The following PCDH7 variants were observed in gnomAD, a reference collection of about 807,000 sequenced individuals.
PCDH7 encodes protocadherin 7, also known as protocadherin-7.
In PCDH7, 17 loss-of-function variants were observed where a neutral mutation model predicts 58.9. That is an observed-to-expected ratio of 0.29 (90% confidence interval 0.20 to 0.43). The LOEUF is 0.43. Ranked by LOEUF, PCDH7 falls within the 20% of genes least tolerant of loss-of-function variation. The probability of loss-of-function intolerance (pLI) is 1.00; values close to 1 mark genes in which losing one functional copy is unlikely to be tolerated. For missense variants in PCDH7, 1,274 were observed against 1,441.0 expected, an observed-to-expected ratio of 0.88 and a Z score of 1.88; for synonymous variants, 664 against 616.4, an observed-to-expected ratio of 1.08 and a Z score of -1.14.
At chr4:31,022,083 T>G (rs1480057415) in intron 3 of PCDH7, among the ~76,000 whole-genome samples, 1 of 152,194 alleles carries the variant, frequency 6.6e-6, no homozygotes, top group Non-Finnish European at 1.5e-5. Context: ...TGAATTACCT[T>G]TTAAGGAAGT....
At chr4:31,107,676 C>T (rs1013440907) in intron 3 of PCDH7, among the ~76,000 whole-genome samples, 3 of 151,980 alleles carry the variant, frequency 2.0e-5, no homozygotes, top group Non-Finnish European at 4.4e-5. Flanking sequence ...TAATAGATTC[C>T]ATATCAATAT....
At chr4:31,105,570 G>A (rs374571079) in intron 3 of PCDH7, among the ~76,000 whole-genome samples, 2 of 152,144 alleles carry the variant, frequency 1.3e-5, no homozygotes, top group African/African-American at 4.8e-5. Flanking sequence ...TCACTGAAAT[G>A]AAGAAGCAAT....
intron 3 of PCDH7, among the ~76,000 whole-genome samples, chr4:31,071,999 C>A (rs117571296): frequency 6.6e-6 from 1 of 151,972 alleles, no homozygotes; most frequent in African/African-American, 2.4e-5. Flanking sequence ...TTACTGTCTT[C>A]GCTTTTCTAA....
intron 3 of PCDH7, among the ~76,000 whole-genome samples, chr4:31,104,218 T>G (rs1286552280): frequency 6.6e-6 from 1 of 152,212 alleles, no homozygotes; most frequent in Non-Finnish European, 1.5e-5. Context: ...TTTATTTTTC[T>G]ACCACCATAG....
chr4:31,071,789 T>G (rs557975208), intron 3 of PCDH7, among the ~76,000 whole-genome samples: 1 of 152,142 alleles, frequency 6.6e-6, no homozygotes, highest in African/African-American at 2.4e-5. Context: ...CAAAAAAGAC[T>G]CAGGAATACA....
chr4:30,748,427 G>C (rs974254910), intron 1 of PCDH7, among the ~76,000 whole-genome samples: 4 of 152,146 alleles, frequency 2.6e-5, no homozygotes, highest in African/African-American at 9.7e-5. Context: ...CATGATACAG[G>C]CATTTAGAGA....
intron 1 of PCDH7, among the ~76,000 whole-genome samples, chr4:30,885,721 A>G (rs958952825): frequency 6.6e-6 from 1 of 152,162 alleles, no homozygotes; most frequent in Non-Finnish European, 1.5e-5. Flanking sequence ...ACTTCAAACT[A>G]TACTACAAGG....
At chr4:31,035,376 C>G (rs1368407617) in intron 3 of PCDH7, among the ~76,000 whole-genome samples, 1 of 151,344 alleles carries the variant, frequency 6.6e-6, no homozygotes, top group East Asian at 2.0e-4. Context: ...GCCTCAGCCT[C>G]CTGAGTAGCT....
At chr4:30,905,085 T>C (rs1003361332) in intron 1 of PCDH7, among the ~76,000 whole-genome samples, 2 of 152,104 alleles carry the variant, frequency 1.3e-5, no homozygotes, top group Admixed American at 1.3e-4. Context: ...AAAAAGAAAA[T>C]GGAGCATCTG....
intron 1 of PCDH7, among the ~76,000 whole-genome samples, chr4:30,751,631 T>C (rs1298911743): frequency 5.3e-5 from 8 of 152,050 alleles, no homozygotes; most frequent in Admixed American, 5.2e-4. Flanking sequence ...ATATATATAT[T>C]TTGCATGGTC....
intron 3 of PCDH7, among the ~76,000 whole-genome samples, chr4:31,056,968 A>G (rs1048051688): frequency 4.6e-5 from 7 of 152,170 alleles, no homozygotes; most frequent in Non-Finnish European, 8.8e-5. Context: ...ATCTTAATTC[A>G]TTTGTGTTAC....
At chr4:30,806,985 T>A (rs761299265) in intron 1 of PCDH7, among the ~76,000 whole-genome samples, 1 of 152,178 alleles carries the variant, frequency 6.6e-6, no homozygotes, top group Non-Finnish European at 1.5e-5. Flanking sequence ...GACAGTACAC[T>A]GGTATCTGCT....
At chr4:31,001,609 G>A (rs146700411) in intron 3 of PCDH7, among the ~76,000 whole-genome samples, 122 of 152,014 alleles carry the variant, frequency 8.0e-4, no homozygotes, top group African/African-American at 2.7e-3. Flanking sequence ...ACTAAAACAC[G>A]GTTGACACAC....
At chr4:30,896,628 C>G (rs1739420703) in intron 1 of PCDH7, among the ~76,000 whole-genome samples, 1 of 151,724 alleles carries the variant, frequency 6.6e-6, no homozygotes, top group Admixed American at 6.6e-5. Context: ...CCAATTCAGA[C>G]TAATTGTATG....
intron 3 of PCDH7, among the ~76,000 whole-genome samples, chr4:31,016,463 C>T (rs538543952): frequency 1.8e-4 from 27 of 147,938 alleles, no homozygotes; most frequent in African/African-American, 6.7e-4. Flanking sequence ...GAAAGGCCAT[C>T]ATCTAAACCA....
chr4:30,977,507 TC>T (rs1399627482), intron 3 of PCDH7, among the ~76,000 whole-genome samples: 2 of 152,280 alleles, frequency 1.3e-5, no homozygotes, highest in East Asian at 1.9e-4. Context: ...TCTTCCTTCT[TC>T]CCCTTTTCTC....
intron 3 of PCDH7, among the ~76,000 whole-genome samples, chr4:31,097,851 C>T (rs1400216906): frequency 1.3e-5 from 2 of 151,424 alleles, no homozygotes; most frequent in Non-Finnish European, 2.9e-5. Flanking sequence ...AATTATGAGA[C>T]TCTTTTAAAA....
chr4:31,131,695 T>A (rs535489640), intron 3 of PCDH7, among the ~76,000 whole-genome samples: 2 of 152,206 alleles, frequency 1.3e-5, no homozygotes, highest in South Asian at 4.2e-4. Context: ...ATTAAAAGAG[T>A]AGTTCCAATC....
chr4:30,724,615 A>G lies in PCDH7; in HGVS notation c.3174+19A>G, dbSNP rs763746641. The G allele has an allele frequency of 6.2e-7, 1 of 1,609,396 alleles. No homozygotes were observed. ...CAAACAGGTAAGATGTATCCCAAAT[A>G]TATTTAAATATCCCAGGGAGGGCTA... On this transcript the variant is annotated intron_variant, in intron 1 of 1. Transcript: ENST00000361762.
Sources: allele counts gnomAD v4.1 joint callset (sites outside exome capture counted in the v4.1 genomes callset), GRCh38; gene constraint gnomAD v4.1.1; transcripts MANE v1.5; gene names NCBI Gene and HGNC (gene_info 2026-07-23, HGNC 2026-07-21).